GALNT13: variants seen among roughly 807,000 people sequenced by gnomAD.
The protein encoded by GALNT13 is polypeptide N-acetylgalactosaminyltransferase 13, also known as UDP-GalNAc:polypeptide N-acetylgalactosaminyltransferase 13.
In GALNT13, 28 loss-of-function variants were observed where a neutral mutation model predicts 64.2. That is an observed-to-expected ratio of 0.44 (90% CI 0.32 to 0.60). GALNT13 has a LOEUF of 0.60. GALNT13 is among the 20% of genes least tolerant of loss of function. The probability of loss-of-function intolerance (pLI) is 0.05; values close to 1 mark genes in which losing one functional copy is unlikely to be tolerated. For missense variants in GALNT13, 577 were observed against 669.8 expected (o/e 0.86, Z 1.53); for synonymous variants, 214 against 224.6 (o/e 0.95, Z 0.42).
At chr2:153,523,296 T>G in the GALNT13 span, among the ~76,000 whole-genome samples, 1 of 152,180 alleles carries the variant, frequency 6.6e-6, no homozygotes, top group Admixed American at 6.5e-5. Flanking sequence ...TTGTATTGGC[T>G]ATCTGAGTCA....
At chr2:153,128,130 G>T in the GALNT13 span, among the ~76,000 whole-genome samples, 24 of 152,148 alleles carry the variant, frequency 1.6e-4, no homozygotes, top group Non-Finnish European at 3.1e-4. Context: ...TTCAGCACCT[G>T]TTCTTTGTCA....
intron 3 of GALNT13, among the ~76,000 whole-genome samples, chr2:154,092,928 C>A (rs1366586147): frequency 6.6e-6 from 1 of 151,786 alleles, no homozygotes; most frequent in Non-Finnish European, 1.5e-5. Context: ...GTGCCATGCC[C>A]AAGGAAGAAG....
At chr2:153,651,723 G>A in the GALNT13 span, among the ~76,000 whole-genome samples, 1 of 152,136 alleles carries the variant, frequency 6.6e-6, no homozygotes, top group East Asian at 1.9e-4. Context: ...CTGGGCAGAG[G>A]TTGAGAAATG....
At chr2:153,468,096 A>G in the GALNT13 span, among the ~76,000 whole-genome samples, 1 of 151,838 alleles carries the variant, frequency 6.6e-6, no homozygotes, top group Non-Finnish European at 1.5e-5. Context: ...CTCTAAGAAG[A>G]CAATGCTCTT....
At chr2:153,723,390 G>A in the GALNT13 span, among the ~76,000 whole-genome samples, 1 of 150,384 alleles carries the variant, frequency 6.6e-6, no homozygotes, top group South Asian at 2.1e-4. Context: ...TTGAAAACGG[G>A]CACAAGACAG....
the GALNT13 span, among the ~76,000 whole-genome samples, chr2:153,068,333 C>A: frequency 6.6e-6 from 1 of 152,188 alleles, no homozygotes; most frequent in Non-Finnish European, 1.5e-5. Context: ...TAGGGCTGAA[C>A]TTCTGCCTGC....
At chr2:153,506,392 T>G in the GALNT13 span, among the ~76,000 whole-genome samples, 1 of 152,170 alleles carries the variant, frequency 6.6e-6, no homozygotes, top group African/African-American at 2.4e-5. Flanking sequence ...TGCTATTTAT[T>G]GCCTGAATAC....
At chr2:153,135,910 C>T in the GALNT13 span, among the ~76,000 whole-genome samples, 1 of 151,768 alleles carries the variant, frequency 6.6e-6, no homozygotes, top group African/African-American at 2.4e-5. Flanking sequence ...ATAACCCTCA[C>T]AAAAAAATAA....
chr2:153,478,323 G>A, the GALNT13 span: 2 of 1,614,158 alleles, frequency 1.2e-6, no homozygotes, highest in Non-Finnish European at 1.7e-6. Context: ...CGGACTTGAT[G>A]AGCAGATTGC....
At chr2:154,296,314 G>A (rs1307007952) in intron 8 of GALNT13, among the ~76,000 whole-genome samples, 1 of 152,140 alleles carries the variant, frequency 6.6e-6, no homozygotes, top group Non-Finnish European at 1.5e-5. Context: ...GGGTCATGTA[G>A]CTCTCTGAAC....
At chr2:154,225,742 T>C (rs767628106) in intron 4 of GALNT13, among the ~76,000 whole-genome samples, 1 of 152,054 alleles carries the variant, frequency 6.6e-6, no homozygotes, top group Non-Finnish European at 1.5e-5. Flanking sequence ...ACAGGGGAAG[T>C]TTGTCCATTT....
At chr2:153,333,088 T>C in the GALNT13 span, among the ~76,000 whole-genome samples, 1 of 152,252 alleles carries the variant, frequency 6.6e-6, no homozygotes, top group African/African-American at 2.4e-5. Flanking sequence ...CTCCAGTCCC[T>C]GTCCAGAGAT....
chr2:153,164,669 G>GT, the GALNT13 span, among the ~76,000 whole-genome samples: 1 of 151,926 alleles, frequency 6.6e-6, no homozygotes, highest in Admixed American at 6.6e-5. Context: ...TGTTTTGTGT[G>GT]TGTATGTGTG....
chr2:153,351,653 C>A, the GALNT13 span, among the ~76,000 whole-genome samples: 4 of 152,202 alleles, frequency 2.6e-5, no homozygotes, highest in Non-Finnish European at 5.9e-5. Flanking sequence ...CAACTACTAT[C>A]TTTTCATTGT....
At chr2:153,342,970 A>G in the GALNT13 span, among the ~76,000 whole-genome samples, 1 of 152,226 alleles carries the variant, frequency 6.6e-6, no homozygotes, top group East Asian at 1.9e-4. Context: ...CAAAAGAGGG[A>G]AAGACTAAAT....
chr2:153,248,966 G>A, the GALNT13 span, among the ~76,000 whole-genome samples: 55 of 152,126 alleles, frequency 3.6e-4, no homozygotes, highest in Non-Finnish European at 6.6e-4. Context: ...TTGAAAACTG[G>A]CACAAGACAA....
chr2:153,341,054 A>T, the GALNT13 span, among the ~76,000 whole-genome samples: 2 of 152,196 alleles, frequency 1.3e-5, no homozygotes, highest in Non-Finnish European at 2.9e-5. Context: ...TGCATGCTAA[A>T]ATTTAAGAAC....
At chr2:153,117,219 T>C in the GALNT13 span, among the ~76,000 whole-genome samples, 2 of 152,166 alleles carry the variant, frequency 1.3e-5, no homozygotes, top group Admixed American at 1.3e-4. Context: ...ACGAAAGTCT[T>C]CATTAACAGT....
chr2:153,588,424 C>A, the GALNT13 span, among the ~76,000 whole-genome samples: 4 of 152,176 alleles, frequency 2.6e-5, no homozygotes, highest in African/African-American at 9.7e-5. Context: ...GCAGAGATTC[C>A]CAAACCCCAA....
Sources: gnomAD v4.1 joint callset for allele counts (sites outside exome capture counted in the v4.1 genomes callset) on GRCh38, gnomAD v4.1.1 for gene constraint, MANE v1.5 for transcripts, NCBI Gene and HGNC (gene_info 2026-07-23, HGNC 2026-07-21) for gene names.